DIAPH3: variants seen among roughly 807,000 people sequenced by gnomAD.
DIAPH3 encodes protein diaphanous homolog 3.
A neutral mutation model predicts 144.3 loss-of-function variants in DIAPH3; 117 were observed. The observed-to-expected ratio is 0.81, with a 90% CI of 0.70 to 0.95. The LOEUF is 0.95. DIAPH3 is among the 40% of genes least tolerant of loss of function. DIAPH3 has a pLI of 0.00. For missense variants in DIAPH3, 1,421 were observed against 1,412.7 expected (o/e 1.01, Z -0.09); for synonymous variants, 519 against 488.9 (o/e 1.06, Z -0.81).
intron 1 of DIAPH3, among the ~76,000 whole-genome samples, chr13:60,150,141 C>T (rs1208125216): frequency 6.6e-6 from 1 of 152,106 alleles, no homozygotes; most frequent in Non-Finnish European, 1.5e-5. Context: ...CCCACCTCAG[C>T]CTTCCAAGCA....
chr13:60,007,023 T>A (rs544726167), intron 9 of DIAPH3, among the ~76,000 whole-genome samples: 1 of 152,310 alleles, frequency 6.6e-6, no homozygotes, highest in Non-Finnish European at 1.5e-5. Flanking sequence ...TCATACTAAA[T>A]TATTAGTTTC....
chr13:59,896,124 A>T (rs950549510), intron 20 of DIAPH3, among the ~76,000 whole-genome samples: 9 of 152,216 alleles, frequency 5.9e-5, no homozygotes, highest in African/African-American at 2.2e-4. Context: ...CGCAGTTTCA[A>T]TCTTTCTCTT....
intron 18 of DIAPH3, among the ~76,000 whole-genome samples, chr13:59,923,583 G>A (rs990908182): frequency 1.3e-5 from 2 of 152,040 alleles, no homozygotes; most frequent in African/African-American, 4.8e-5. Context: ...TGCCATTCTG[G>A]GTGCCAGGGG....
chr13:59,956,984 G>T (rs1025444928), intron 17 of DIAPH3, among the ~76,000 whole-genome samples: 1 of 152,132 alleles, frequency 6.6e-6, no homozygotes, highest in African/African-American at 2.4e-5. Context: ...ATTTGGAATG[G>T]GTGTATTTAC....
chr13:59,723,477 G>A (rs342582), intron 27 of DIAPH3, among the ~76,000 whole-genome samples: 91,845 of 151,962 alleles, frequency 0.6, 28,217 homozygotes, highest in East Asian at 0.7. Context: ...GTGTGTGTAT[G>A]TGTGTGCGTG....
At chr13:60,125,862 GAT>G in intron 2 of DIAPH3, among the ~76,000 whole-genome samples, 1 of 152,226 alleles carries the variant, frequency 6.6e-6, no homozygotes, top group Non-Finnish European at 1.5e-5. Flanking sequence ...GACTAGGACT[GAT>G]AGAAGAAACG....
chr13:60,152,575 G>A (rs1951837730), intron 1 of DIAPH3, among the ~76,000 whole-genome samples: 2 of 150,478 alleles, frequency 1.3e-5, no homozygotes. Context: ...AAAAAGCCCT[G>A]TAAACCCAGG....
intron 27 of DIAPH3, among the ~76,000 whole-genome samples, chr13:59,710,582 G>C (rs1421340563): frequency 6.6e-6 from 1 of 152,220 alleles, no homozygotes; most frequent in Non-Finnish European, 1.5e-5. Flanking sequence ...TCTGGCAACA[G>C]ACTGGGTTGC....
intron 17 of DIAPH3, among the ~76,000 whole-genome samples, chr13:59,958,244 A>T (rs180943908): frequency 6.6e-6 from 1 of 152,290 alleles, no homozygotes; most frequent in East Asian, 1.9e-4. Context: ...AATTATATAT[A>T]TTCATATCCA....
chr13:59,840,844 C>T (rs1200915327), intron 22 of DIAPH3, among the ~76,000 whole-genome samples: 1 of 151,760 alleles, frequency 6.6e-6, no homozygotes, highest in Admixed American at 6.6e-5. Flanking sequence ...CACGTATTCC[C>T]TTTCTGTGAT....
intron 17 of DIAPH3, among the ~76,000 whole-genome samples, chr13:59,931,889 A>G (rs1030178655): frequency 1.3e-5 from 2 of 152,232 alleles, no homozygotes; most frequent in Non-Finnish European, 2.9e-5. Context: ...GCAGCTGGAC[A>G]TACAGATGTG....
chr13:59,987,475 T>TAAAAAAAAAAAAAAAAAAAA (rs201333360), intron 12 of DIAPH3, among the ~76,000 whole-genome samples: 1 of 70,176 alleles, frequency 1.4e-5, no homozygotes, highest in Non-Finnish European at 3.1e-5. Context: ...TAAAGTATAA[T>TAAAAAAAAAAAAAAAAAAAA]AAAAAAAAAA....
chr13:59,827,673 A>G (rs960970307), intron 24 of DIAPH3, among the ~76,000 whole-genome samples: 2 of 152,048 alleles, frequency 1.3e-5, no homozygotes, highest in Non-Finnish European at 2.9e-5. Flanking sequence ...AATTAGGAGA[A>G]GCATCACCTG....
chr13:59,977,084 C>T (rs527714301), intron 14 of DIAPH3, among the ~76,000 whole-genome samples: 56 of 151,806 alleles, frequency 3.7e-4, no homozygotes, highest in African/African-American at 6.3e-4. Context: ...ACAACACACC[C>T]GAGATATGCC....
chr13:59,718,064 T>C (rs2035147664), intron 27 of DIAPH3, among the ~76,000 whole-genome samples: 1 of 152,068 alleles, frequency 6.6e-6, no homozygotes, highest in African/African-American at 2.4e-5. Flanking sequence ...CCTTTTACAT[T>C]ATTTATTCCG....
intron 25 of DIAPH3, among the ~76,000 whole-genome samples, chr13:59,799,220 G>A (rs1176502516): frequency 6.6e-6 from 1 of 152,030 alleles, no homozygotes; most frequent in East Asian, 1.9e-4. Flanking sequence ...GGCTGTTATG[G>A]ACGTAGATGC....
intron 25 of DIAPH3, among the ~76,000 whole-genome samples, chr13:59,792,757 G>A (rs2039394213): frequency 6.6e-6 from 1 of 151,966 alleles, no homozygotes; most frequent in Admixed American, 6.6e-5. Flanking sequence ...TTTGACCATG[G>A]TTCACACGCT....
intron 27 of DIAPH3, among the ~76,000 whole-genome samples, chr13:59,714,478 TG>T (rs1419938261): frequency 9.9e-5 from 15 of 151,856 alleles, no homozygotes; most frequent in African/African-American, 3.4e-4. Flanking sequence ...GAGGCTGCAA[TG>T]GGCTATGAAC....
chr13:60,138,336 C>T (rs2059343524), intron 1 of DIAPH3, among the ~76,000 whole-genome samples: 1 of 152,222 alleles, frequency 6.6e-6, no homozygotes, highest in Admixed American at 6.5e-5. Flanking sequence ...CTACTCCATA[C>T]TCCACCACTA....
Sources: gnomAD v4.1 joint callset for allele counts (sites outside exome capture counted in the v4.1 genomes callset) on GRCh38, gnomAD v4.1.1 for gene constraint, MANE v1.5 for transcripts, NCBI Gene and HGNC (gene_info 2026-07-23, HGNC 2026-07-21) for gene names.